The following CMKLR2 variants were observed in gnomAD, a reference collection of about 807,000 sequenced individuals.
CMKLR2 encodes chemerin-like receptor 2.
CMKLR2 carries 18 observed loss-of-function variants against 23.0 expected under a neutral mutation model. The ratio of observed to expected loss-of-function variants is 0.78; its 90% CI spans 0.54 to 1.16. The LOEUF is 1.16. Among genes scored for constraint, CMKLR2 ranks in the 50% most tolerant of loss-of-function variants. The probability of loss-of-function intolerance (pLI) is 0.00; values close to 1 mark genes in which losing one functional copy is unlikely to be tolerated. For synonymous variants in CMKLR2, 158 were observed against 158.9 expected, an observed-to-expected ratio of 0.99 and a Z score of 0.05; for missense variants, 401 against 412.7, an observed-to-expected ratio of 0.97 and a Z score of 0.25.
chr2:206,187,753 A>G (rs1385125253), intron 1 of CMKLR2, among the ~76,000 whole-genome samples: 2 of 152,184 alleles, frequency 1.3e-5, no homozygotes, highest in Non-Finnish European at 2.9e-5. Flanking sequence ...ATATATACAT[A>G]TGCATATATA....
At chr2:206,186,433 G>A (rs1362954314) in intron 1 of CMKLR2, among the ~76,000 whole-genome samples, 1 of 152,136 alleles carries the variant, frequency 6.6e-6, no homozygotes, top group African/African-American at 2.4e-5. Flanking sequence ...TGTTAAAGCA[G>A]CTGAACATGT....
At chr2:206,184,463 A>AT (rs545995663) in intron 1 of CMKLR2, among the ~76,000 whole-genome samples, 130 of 151,954 alleles carry the variant, frequency 8.6e-4, no homozygotes, top group Middle Eastern at 3.4e-3. Flanking sequence ...CATACGGCTA[A>AT]TTTTTTTATT....
At chr2:206,191,935 G>T (rs967095566) in intron 1 of CMKLR2, among the ~76,000 whole-genome samples, 1 of 151,000 alleles carries the variant, frequency 6.6e-6, no homozygotes, top group Non-Finnish European at 1.5e-5. Flanking sequence ...CTGCCTCCCG[G>T]GTTCACACTA....
At chr2:206,208,077 C>G (rs189521147) in intron 1 of CMKLR2, among the ~76,000 whole-genome samples, 66 of 152,200 alleles carry the variant, frequency 4.3e-4, no homozygotes, top group Non-Finnish European at 3.4e-4. Flanking sequence ...CACAGTCTCT[C>G]TGAGTAATAA....
intron 1 of CMKLR2, among the ~76,000 whole-genome samples, chr2:206,199,155 G>C (rs1689011004): frequency 6.6e-6 from 1 of 152,168 alleles, no homozygotes; most frequent in Non-Finnish European, 1.5e-5. Context: ...CCAGCACTTT[G>C]GGAGGCCCAG....
chr2:206,189,348 G>T lies in CMKLR2; in HGVS notation c.-28-12073C>A, dbSNP rs543512027. Among the ~76,000 whole-genome samples, 17 of 152,280 alleles carry T rather than the reference G, an allele frequency of 1.1e-4. 1 individual carries two copies. In the South Asian group the frequency reaches 3.5e-3, roughly 32 times the overall value. Reference sequence around the variant, plus strand: ...TCTGACCGGATAACAGGGAGGAATAGAAAAGGCAGGGAGCGGTGGCTCACG... The same window carrying T: ...TCTGACCGGATAACAGGGAGGAATATAAAAGGCAGGGAGCGGTGGCTCACG... On this transcript the variant is annotated intron_variant, in intron 1 of 1. Transcript: ENST00000621141.
At chr2:206,207,531 A>G (rs1689373217) in intron 1 of CMKLR2, among the ~76,000 whole-genome samples, 1 of 152,138 alleles carries the variant, frequency 6.6e-6, no homozygotes, top group South Asian at 2.1e-4. Context: ...CTTAACACAT[A>G]TAGTAATACT....
intron 1 of CMKLR2, among the ~76,000 whole-genome samples, chr2:206,206,757 G>C (rs1259445808): frequency 6.6e-6 from 1 of 152,100 alleles, no homozygotes; most frequent in Non-Finnish European, 1.5e-5. Context: ...AGTATTTATT[G>C]AAGGAAAGAC....
At chr2:206,189,891 T>C (rs1010239416) in intron 1 of CMKLR2, among the ~76,000 whole-genome samples, 1 of 152,192 alleles carries the variant, frequency 6.6e-6, no homozygotes, top group Non-Finnish European at 1.5e-5. Flanking sequence ...CCCCAGAATG[T>C]ACTCAAGATG....
At chr2:206,214,780 C>A (rs374894694), upstream of CMKLR2, among the ~76,000 whole-genome samples, 3 of 151,802 alleles carry the variant, frequency 2.0e-5, no homozygotes, top group South Asian at 2.1e-4. Flanking sequence ...CCCGCCACCA[C>A]GCCCGGCTAA....
intron 1 of CMKLR2, among the ~76,000 whole-genome samples, chr2:206,201,662 A>C (rs999151930): frequency 6.6e-6 from 1 of 152,218 alleles, no homozygotes; most frequent in South Asian, 2.1e-4. Context: ...GCTAAAAAAA[A>C]AAAAAAGTAA....
At chr2:206,210,103 A>T (rs1465268429) in intron 1 of CMKLR2, among the ~76,000 whole-genome samples, 1 of 151,578 alleles carries the variant, frequency 6.6e-6, no homozygotes, top group African/African-American at 2.4e-5. Flanking sequence ...AGCTGGGACT[A>T]CAGGTGTGCG....
At chr2:206,179,277 G>A (rs1688332155) in intron 1 of CMKLR2, among the ~76,000 whole-genome samples, 1 of 148,640 alleles carries the variant, frequency 6.7e-6, no homozygotes, top group Admixed American at 6.8e-5. Flanking sequence ...GTTTCTCCAT[G>A]TTGGTCAGGG....
At chr2:206,199,139 G>C (rs1689010464) in intron 1 of CMKLR2, among the ~76,000 whole-genome samples, 3 of 152,162 alleles carry the variant, frequency 2.0e-5, no homozygotes, top group Admixed American at 2.0e-4. Flanking sequence ...GCTCACACCT[G>C]TAATCCCAGC....
chr2:206,178,793 T>G (rs1444051495), intron 1 of CMKLR2, among the ~76,000 whole-genome samples: 1 of 151,882 alleles, frequency 6.6e-6, no homozygotes, highest in Non-Finnish European at 1.5e-5. Flanking sequence ...GGATTACAGA[T>G]GCTGGCTACC....
intron 1 of CMKLR2, chr2:206,203,642 C>A (rs1197638594): frequency 3.3e-5 from 5 of 152,306 alleles, no homozygotes; most frequent in African/African-American, 4.8e-5. Flanking sequence ...TCCGGCTCTT[C>A]CTGAGTTCTG....
At chr2:206,195,692 C>T (rs868113977) in intron 1 of CMKLR2, among the ~76,000 whole-genome samples, 3 of 152,178 alleles carry the variant, frequency 2.0e-5, no homozygotes, top group Non-Finnish European at 4.4e-5. Flanking sequence ...CAGTGGCTCA[C>T]GCCTGTAATC....
chr2:206,200,843 C>A (rs1689071365), intron 1 of CMKLR2, among the ~76,000 whole-genome samples: 1 of 152,206 alleles, frequency 6.6e-6, no homozygotes, highest in African/African-American at 2.4e-5. Flanking sequence ...TTTAAAAATT[C>A]TACTTTTAGA....
rs71034423 is a variant in CMKLR2 at position 206,207,728 on chromosome 2, C to CTTTTTTTTTTTTTTTTTTTTTTTT, written c.-29+5555_-29+5578dup. 3.0e-4 allele frequency among the ~76,000 whole-genome samples: 13 copies of CTTTTTTTTTTTTTTTTTTTTTTTT among 43,574 alleles called. 2 individuals carry two copies. Among genetic ancestry groups the CTTTTTTTTTTTTTTTTTTTTTTTT allele is most frequent in the Non-Finnish European group, 3.7e-4 (10 of 26,988 alleles). 28.6% of individuals were successfully genotyped at this position (43,574 alleles called of 152,430 possible). Reference sequence around the variant, plus strand: ...ATCTGGGTCTGTCTGACCTCAGGGCCTTTTTTTTTTTTTTTTTTTTTTTTT... The same window carrying CTTTTTTTTTTTTTTTTTTTTTTTT: ...ATCTGGGTCTGTCTGACCTCAGGGCCTTTTTTTTTTTTTTTTTTTTTTTTTTTTTTTTTTTTTTTTTTTTTTTTT... On this transcript the variant is annotated intron_variant, in intron 1 of 1. Transcript: ENST00000621141.
Sources: gnomAD v4.1 joint callset for allele counts (sites outside exome capture counted in the v4.1 genomes callset) on GRCh38, gnomAD v4.1.1 for gene constraint, MANE v1.5 for transcripts, NCBI Gene and HGNC (gene_info 2026-07-23, HGNC 2026-07-21) for gene names.